The following THBS4 variants were observed in gnomAD, a reference collection of about 807,000 sequenced individuals.
The protein encoded by THBS4 is thrombospondin-4.
In THBS4, 90 loss-of-function variants were observed where a neutral mutation model predicts 115.7. The observed-to-expected ratio is 0.78, with a 90% CI of 0.66 to 0.93. The LOEUF (loss-of-function observed/expected upper bound fraction) is 0.93. Among genes scored for constraint, THBS4 ranks in the 40% least tolerant of loss-of-function variants. The pLI is 0.00. For missense variants in THBS4, 1,087 were observed against 1,232.7 expected, an observed-to-expected ratio of 0.88 and a Z score of 1.77; for synonymous variants, 460 against 479.3, an observed-to-expected ratio of 0.96 and a Z score of 0.53.
chr5:80,025,032 A>G (rs754632421), intron 2 of THBS4, among the ~76,000 whole-genome samples: 4 of 152,164 alleles, frequency 2.6e-5, no homozygotes, highest in Non-Finnish European at 4.4e-5. Flanking sequence ...TGCTGAAAAA[A>G]TTGGTGCGTT....
Position 80,019,284 on chromosome 5 carries a change from CAT to C in THBS4, n.178-20792_178-20791del, listed in dbSNP as rs559039024. 5.8e-4 allele frequency among the ~76,000 whole-genome samples: 89 copies of C among 152,278 alleles called. 1 individual carries two copies. The highest frequency in any genetic ancestry group is 1.8e-3 in the Admixed American group (27 of 15,286). On this transcript the variant is annotated intron_variant and non_coding_transcript_variant, in intron 2 of 3. Coordinates refer to the THBS4 transcript ENST00000510218. ...TTCAAAAAAGTCATACACACACACA[CAT>C]GTACGTACACCTTAATTTATAAGAT... is the stretch of plus-strand genomic sequence containing the variant.
chr5:80,005,529 C>G (rs111395412), intron 2 of THBS4, among the ~76,000 whole-genome samples: 2 of 151,884 alleles, frequency 1.3e-5, no homozygotes, highest in African/African-American at 4.8e-5. Flanking sequence ...AGAGTGTGCA[C>G]GGAGGAATGA....
intron 1 of THBS4, among the ~76,000 whole-genome samples, chr5:80,039,210 T>C (rs896011892): frequency 6.6e-6 from 1 of 152,232 alleles, no homozygotes; most frequent in African/African-American, 2.4e-5. Context: ...CTGCAGCCTA[T>C]GGAATTGTTC....
exon 1 of THBS4, chr5:79,991,405 C>T (rs932962456): frequency 1.6e-6 from 1 of 608,180 alleles, no homozygotes; most frequent in Non-Finnish European, 2.8e-6. Flanking sequence ...AGCAGCTTGG[C>T]CTAAAGGGTA....
intron 2 of THBS4, among the ~76,000 whole-genome samples, chr5:80,045,335 C>T (rs574939848): frequency 4.8e-4 from 73 of 152,142 alleles, no homozygotes; most frequent in African/African-American, 1.7e-3. Context: ...GCTGTAATGA[C>T]CAGAGAGTGT....
intron 8 of THBS4, among the ~76,000 whole-genome samples, chr5:80,065,075 A>G (rs1350977086): frequency 6.6e-6 from 1 of 152,122 alleles, no homozygotes; most frequent in East Asian, 1.9e-4. Context: ...AAAGCTAAGA[A>G]TCCTCATTTA....
At chr5:80,045,756 C>T (rs909836503) in intron 2 of THBS4, among the ~76,000 whole-genome samples, 7 of 152,170 alleles carry the variant, frequency 4.6e-5, no homozygotes, top group African/African-American at 1.4e-4. Context: ...ATCTCAAACT[C>T]GCGACCTCAG....
Position 80,040,290 on chromosome 5 carries a change from T to G in THBS4, c.292+10T>G. On this transcript the variant is annotated intron_variant, in intron 2 of 21. Transcript: ENST00000350881. Reference sequence around the variant, plus strand: ...GGACGCTTAAACAAAGGTAAGCAAATTTGCTGAAATTATTTTCTTAAAAAT... The same window carrying G: ...GGACGCTTAAACAAAGGTAAGCAAAGTTGCTGAAATTATTTTCTTAAAAAT... 1.9e-6 allele frequency: 3 copies of G among 1,600,540 alleles called. No homozygotes were observed. The South Asian group carries it at 3.3e-5, about 18-fold the overall frequency.
intron 13 of THBS4, 40 bp from the exon 14 acceptor site, chr5:80,072,238 T>G (rs376890253): frequency 5.6e-4 from 877 of 1,561,526 alleles, no homozygotes; most frequent in Non-Finnish European, 7.4e-4. Context: ...AAGAAGTCAG[T>G]GACATTCCCC....
chr5:80,051,630 T>C (rs1580949229), intron 2 of THBS4, among the ~76,000 whole-genome samples: 1 of 152,216 alleles, frequency 6.6e-6, no homozygotes, highest in Non-Finnish European at 1.5e-5. Context: ...AATGAGAGTA[T>C]GAACACAATA....
intron 1 of THBS4, among the ~76,000 whole-genome samples, chr5:79,995,962 C>T (rs1055608672): frequency 2.4e-5 from 3 of 126,270 alleles, no homozygotes; most frequent in Non-Finnish European, 5.1e-5. Context: ...TGGTAAAACA[C>T]AATCTCTACT....
chr5:80,033,234 A>C (rs1250457685), upstream of THBS4: 2 of 450,212 alleles, frequency 4.4e-6, no homozygotes, highest in Non-Finnish European at 9.1e-6. Context: ...ACACACGTCC[A>C]GACTCTGGGC....
At chr5:80,041,082 G>A (rs1174803356) in intron 2 of THBS4, among the ~76,000 whole-genome samples, 1 of 152,048 alleles carries the variant, frequency 6.6e-6, no homozygotes, top group African/African-American at 2.4e-5. Context: ...TCCCAACACC[G>A]CCACATTGGG....
At chr5:80,005,568 G>A (rs1253240975) in intron 2 of THBS4, among the ~76,000 whole-genome samples, 1 of 151,878 alleles carries the variant, frequency 6.6e-6, no homozygotes, top group Non-Finnish European at 1.5e-5. Flanking sequence ...AGAGAACTGG[G>A]GTCCAGGCTC....
intron 2 of THBS4, among the ~76,000 whole-genome samples, chr5:80,025,141 A>G (rs1237249077): frequency 6.6e-6 from 1 of 152,206 alleles, no homozygotes; most frequent in Non-Finnish European, 1.5e-5. Flanking sequence ...TGAGATATTT[A>G]AAGTTGGTTA....
Position 80,070,712 on chromosome 5 carries a change from G to T in THBS4, c.1522G>T (p.Asp508Tyr), listed in dbSNP as rs988204419. Reference protein sequence around the residue: ...ADRDGIGDACDEDADGDGILN... With the variant: ...ADRDGIGDACYEDADGDGILN... ...CAGAGATGGCATTGGCGACGCTTGT[G>T]ACGAGGATGCTGACGGAGATGGGAT... is the stretch of plus-strand genomic sequence containing the variant. The change falls in exon 12 of 22, where the codon GAC (aspartate) becomes TAC (tyrosine). Residue 508 changes from aspartate to tyrosine, a missense_variant. Physicochemically the swap from Asp to Tyr is radical, Grantham distance 160. Transcript: ENST00000350881. 2.5e-6 allele frequency: 4 copies of T among 1,614,096 alleles called. No homozygotes were observed. Among genetic ancestry groups the T allele is most frequent in the Non-Finnish European group, 3.4e-6 (4 of 1,180,050 alleles).
At position 80,079,915 on chromosome 5, in the gene THBS4, C is replaced by G. The variant is rs1030948196; in HGVS notation, c.2522C>G (p.Ser841Cys). Residue 841 changes from serine to cysteine, a missense_variant, in exon 20 of 22, where the codon TCT becomes TGT. By Grantham distance (112) the Ser-to-Cys change is moderately radical. Transcript: ENST00000350881. ...EPGIQLKAVK[S>C]KTGPGEHLRN... ...TGTGTCATCATGCAGGCTGTGAAGT[C>G]TAAGACAGGTCCAGGGGAGCATCTC... The G allele has an allele frequency of 6.2e-7, 1 of 1,613,980 alleles. No homozygotes were observed. The highest frequency in any genetic ancestry group is 1.3e-5 in the African/African-American group (1 of 74,904).
chr5:80,080,508 C>G (rs1284229961), intron 20 of THBS4, among the ~76,000 whole-genome samples: 3 of 97,772 alleles, frequency 3.1e-5, no homozygotes, highest in African/African-American at 1.4e-4. Flanking sequence ...TTCACCCTGA[C>G]TGCAGCACTA....
At chr5:80,049,752 G>A (rs1048246547) in intron 2 of THBS4, among the ~76,000 whole-genome samples, 12 of 152,172 alleles carry the variant, frequency 7.9e-5, no homozygotes, top group African/African-American at 2.7e-4. Context: ...GGCCAGTCCT[G>A]GGATAAGGAG....
Sources: gnomAD v4.1 joint callset for allele counts (sites outside exome capture counted in the v4.1 genomes callset) on GRCh38, gnomAD v4.1.1 for gene constraint, MANE v1.5 for transcripts, NCBI Gene and HGNC (gene_info 2026-07-23, HGNC 2026-07-21) for gene names.